PLXND1: variants seen among roughly 807,000 people sequenced by gnomAD.
The protein encoded by PLXND1 is plexin D1.
In PLXND1, 54 loss-of-function variants were observed where a neutral mutation model predicts 197.7. The observed-to-expected ratio is 0.27, with a 90% CI of 0.22 to 0.34. PLXND1 has a LOEUF of 0.34. Among genes scored for constraint, PLXND1 ranks in the 10% least tolerant of loss-of-function variants. The probability of loss-of-function intolerance (pLI) is 1.00; values close to 1 mark genes in which losing one functional copy is unlikely to be tolerated. For synonymous variants in PLXND1, 1,180 were observed against 1,161.2 expected (o/e 1.02, Z -0.33); for missense variants, 2,127 against 2,699.2 (o/e 0.79, Z 4.70).
At position 129,561,714 on chromosome 3, in the gene PLXND1, T is replaced by C. The variant is rs545200647; in HGVS notation, c.4930-5A>G. ...CAGGGAGGCACCTTCAGGGATCTGA[T>C]GGGAGGGGAGAGGCCGAGGTCAGAG... On this transcript the variant is annotated splice_polypyrimidine_tract_variant and splice_region_variant and intron_variant, in intron 28 of 35. Transcript: ENST00000324093. 1.5e-6 allele frequency: 2 copies of C among 1,327,182 alleles called. No individual in the cohort carries two copies. The highest frequency in any genetic ancestry group is 4.1e-5 in the East Asian group (1 of 24,254). 82.2% of individuals were successfully genotyped at this position (1,327,182 alleles called of 1,614,324 possible).
At chr3:129,592,943 G>A (rs2085568097) in intron 1 of PLXND1, among the ~76,000 whole-genome samples, 1 of 152,136 alleles carries the variant, frequency 6.6e-6, no homozygotes, top group Admixed American at 6.5e-5. Flanking sequence ...GAGCATGCTG[G>A]CCTCGGCTGA....
At chr3:129,588,793 CTG>C (rs1438054260) in intron 2 of PLXND1, among the ~76,000 whole-genome samples, 1 of 152,254 alleles carries the variant, frequency 6.6e-6, no homozygotes, top group Non-Finnish European at 1.5e-5. Flanking sequence ...AGCAGGGAAA[CTG>C]GATTCTGCGC....
At chr3:129,598,730 C>T (rs529734196) in intron 1 of PLXND1, among the ~76,000 whole-genome samples, 205 of 152,254 alleles carry the variant, frequency 1.3e-3, no homozygotes, top group African/African-American at 4.2e-3. Context: ...CACCCTCTGG[C>T]TCACACCCCT....
At chr3:129,571,940 C>CA (rs2085240301) in intron 15 of PLXND1, 96 bp from the exon 16 acceptor site, 1 of 1,247,560 alleles carries the variant, frequency 8.0e-7, no homozygotes, top group East Asian at 2.5e-5. Context: ...ACGCACTTGG[C>CA]CTGGGGTTCA....
chr3:129,570,813 G>C lies in PLXND1; in HGVS notation c.3723C>G (p.Gly1241=), dbSNP rs755899250. The C allele has an allele frequency of 3.7e-6, 6 of 1,614,154 alleles. No homozygotes were observed. The Admixed American group carries it at 1.0e-4, about 27-fold the overall frequency. Residue 1241 remains glycine, a synonymous_variant, in exon 19 of 36, where the codon GGC becomes GGG. Transcript: ENST00000324093. ...TGATGGGCAGCTGCCCCACGGCCGC[G>C]CCCAGGGACTCGTTGACCGAGCAGT... ...IIHCSVNESL[G]AAVGQLPITI... is the part of the protein sequence containing the mutation.
chr3:129,595,239 C>T lies in PLXND1; in HGVS notation c.1312-5712G>A, dbSNP rs115670186. On this transcript the variant is annotated intron_variant, in intron 1 of 35. Coordinates refer to ENST00000324093, the MANE Select transcript of PLXND1 (RefSeq NM_015103.3). ...CCCCAGCTCCTTCCACTTCAGCATG[C>T]ACTGCCTCTCAGAACACTGTGCAAG... is the stretch of plus-strand genomic sequence containing the variant. Among the ~76,000 whole-genome samples the T allele has an allele frequency of 3.1e-3, 465 of 152,338 alleles. 3 individuals carry two copies. Among genetic ancestry groups the T allele is most frequent in the African/African-American group, 0.01 (433 of 41,562 alleles).
At chr3:129,570,027 T>C (rs1345514706) in intron 19 of PLXND1, 70 bp from the exon 20 acceptor site, 1 of 867,764 alleles carries the variant, frequency 1.2e-6, no homozygotes, top group African/African-American at 1.6e-5. Context: ...CCTCACTTGC[T>C]GTGTGGCCCT....
rs767626952 is a variant in PLXND1, at chr3:129,584,591, G to T, written c.1852-29C>A. On this transcript the variant is annotated intron_variant, in intron 5 of 35. Transcript: ENST00000324093. ...GGGGCAAGGAGCCCTCAGCTCTGGGGGTCCAGGCTATGCTCCTCACAGCCT... is the reference window on the plus strand; with the variant it reads ...GGGGCAAGGAGCCCTCAGCTCTGGGTGTCCAGGCTATGCTCCTCACAGCCT... The T allele has an allele frequency of 7.6e-6, 12 of 1,578,164 alleles. No homozygotes were observed. The African/African-American group carries it at 1.5e-4, about 19-fold the overall frequency.
chr3:129,570,949 G>C lies in PLXND1; in HGVS notation c.3601-14C>G, dbSNP rs764468538. On this transcript the variant is annotated splice_polypyrimidine_tract_variant and intron_variant, in intron 18 of 35. Transcript: ENST00000324093. ...GTCCTGCTCCTTCTGTGGGTGCAAAGGGGGAGGATGCTCATGGGGAAGTGC... is the reference window on the plus strand; with the variant it reads ...GTCCTGCTCCTTCTGTGGGTGCAAACGGGGAGGATGCTCATGGGGAAGTGC... 3 of 1,614,144 alleles carry C rather than the reference G, an allele frequency of 1.9e-6. No homozygotes were observed. The highest frequency in any genetic ancestry group is 4.5e-5 in the East Asian group (2 of 44,884).
intron 7 of PLXND1, 82 bp from the exon 8 acceptor site, chr3:129,583,751 A>G: frequency 2.2e-6 from 2 of 891,196 alleles, no homozygotes; most frequent in South Asian, 2.9e-5. Flanking sequence ...CCCAAAAGGC[A>G]GATCCCAGCA....
intron 1 of PLXND1, among the ~76,000 whole-genome samples, chr3:129,589,874 T>C (rs2811453): frequency 0.98 from 149,498 of 152,276 alleles, 73,455 homozygotes; most frequent in East Asian, 1. Context: ...CCCTCCTGGC[T>C]GGGCACAGCT....
chr3:129,582,998 G>A (rs2085406284), intron 8 of PLXND1, among the ~76,000 whole-genome samples: 3 of 152,144 alleles, frequency 2.0e-5, no homozygotes, highest in African/African-American at 7.2e-5. Context: ...ACCCACCCTT[G>A]GGACGCCACT....
At chr3:129,556,474 C>A (rs771984809) in intron 35 of PLXND1, 46 bp from the exon 36 acceptor site, 2 of 1,512,352 alleles carry the variant, frequency 1.3e-6, no homozygotes, top group South Asian at 1.1e-5. Context: ...GGTAGCCCTG[C>A]CTCAGTTCGT....
intron 1 of PLXND1, among the ~76,000 whole-genome samples, chr3:129,599,512 C>T (rs1355048239): frequency 6.6e-6 from 1 of 152,240 alleles, no homozygotes; most frequent in Non-Finnish European, 1.5e-5. Context: ...AGATCCCCCA[C>T]TCACCCTCCT....
intron 1 of PLXND1, among the ~76,000 whole-genome samples, chr3:129,595,921 G>GCGCACACACACACACACACACA (rs138452605): frequency 3.4e-4 from 50 of 146,506 alleles, no homozygotes; most frequent in South Asian, 8.8e-4. Flanking sequence ...GTGCACGCAC[G>GCGCACACACACACACACACACA]CACACACACA....
In PLXND1 at chr3:129,583,677, A is replaced by G. The variant is rs1420275463; in HGVS notation, c.2139-8T>C. 2.5e-6 allele frequency: 4 copies of G among 1,600,094 alleles called. No homozygotes were observed. Among genetic ancestry groups the G allele is most frequent in the East Asian group, 2.2e-5 (1 of 44,704 alleles). On this transcript the variant is annotated splice_polypyrimidine_tract_variant and splice_region_variant and intron_variant, in intron 7 of 35. Transcript: ENST00000324093. ...GACAGGCAGCTGGTACAGCTGGAAGACAAGGAGGCCCCTCAACTCCTGGTT... is the reference window on the plus strand; with the variant it reads ...GACAGGCAGCTGGTACAGCTGGAAGGCAAGGAGGCCCCTCAACTCCTGGTT...
Position 129,556,154 on chromosome 3 carries a change from C to T in PLXND1, c.*158G>A, listed in dbSNP as rs2084969853. On this transcript the variant is annotated 3_prime_UTR_variant, in exon 36 of 36. Transcript: ENST00000324093. ...GTGCCCAGGGGTCAAGGCGGGGGCGCCCCTGTCTCAGAGAGCAGCCCCTCC... is the reference window on the plus strand; with the variant it reads ...GTGCCCAGGGGTCAAGGCGGGGGCGTCCCTGTCTCAGAGAGCAGCCCCTCC... 7.8e-6 allele frequency: 5 copies of T among 644,006 alleles called. No homozygotes were observed. The highest frequency in any genetic ancestry group is 1.8e-5 in the South Asian group (1 of 56,762). 39.9% of individuals were successfully genotyped at this position (644,006 alleles called of 1,614,324 possible). A position where few individuals can be genotyped will look rare whatever the true frequency, so the allele number is the denominator to read the frequency against.
At chr3:129,591,915 C>T (rs2085547661) in intron 1 of PLXND1, among the ~76,000 whole-genome samples, 1 of 152,180 alleles carries the variant, frequency 6.6e-6, no homozygotes, top group East Asian at 1.9e-4. Flanking sequence ...TTCCAGGACA[C>T]TCAGAATAAA....
At chr3:129,591,542 G>C (rs949450606) in intron 1 of PLXND1, 1 of 152,278 alleles carries the variant, frequency 6.6e-6, no homozygotes, top group Non-Finnish European at 1.5e-5. Flanking sequence ...AACTGGCCCA[G>C]GTCGGAAACG....
Sources: allele counts gnomAD v4.1 joint callset (sites outside exome capture counted in the v4.1 genomes callset), GRCh38; gene constraint gnomAD v4.1.1; transcripts MANE v1.5; gene names NCBI Gene and HGNC (gene_info 2026-07-23, HGNC 2026-07-21).